ANKRD24: variants seen among roughly 807,000 people sequenced by gnomAD.
ANKRD24 encodes the protein ankyrin repeat domain-containing protein 24.
Under a neutral mutation model 127.8 loss-of-function variants are expected in ANKRD24, and 109 were observed. The ratio of observed to expected loss-of-function variants is 0.85; its 90% confidence interval spans 0.73 to 1.00. ANKRD24 has a LOEUF of 1.00. Ranked by LOEUF, ANKRD24 falls within the 50% of genes least tolerant of loss-of-function variation. The pLI, the probability that ANKRD24 is intolerant of heterozygous loss-of-function variation, is 0.00. For synonymous variants in ANKRD24, 743 were observed against 671.1 expected (o/e 1.11, Z -1.66); for missense variants, 1,648 against 1,570.2 (o/e 1.05, Z -0.84).
intron 2 of ANKRD24, among the ~76,000 whole-genome samples, chr19:4,186,923 G>A (rs777762018): frequency 3.4e-4 from 51 of 152,164 alleles, no homozygotes; most frequent in Non-Finnish European, 5.9e-4. Flanking sequence ...CCTTGCCCTC[G>A]TGGAGCCGAC....
rs1447419673 is a variant in ANKRD24 at position 4,216,055 on chromosome 19, GCCC to G, written c.1270+8_1270+10del. On this transcript the variant is annotated splice_donor_region_variant and intron_variant, in intron 16 of 21. Transcript: ENST00000318934. ...GTGAGCTGCCTGACCTTCCAGGTGAGCCCCCACCTCCCCACGCACTCCCAGCCG... is the reference window on the plus strand; with the variant it reads ...GTGAGCTGCCTGACCTTCCAGGTGAGCCACCTCCCCACGCACTCCCAGCCG... 2.5e-6 allele frequency: 4 copies of G among 1,591,274 alleles called. No individual in the cohort carries two copies. The highest frequency in any genetic ancestry group is 3.4e-6 in the Non-Finnish European group (4 of 1,169,718).
At chr19:4,188,202 C>A (rs113308500) in intron 2 of ANKRD24, among the ~76,000 whole-genome samples, 1 of 151,676 alleles carries the variant, frequency 6.6e-6, no homozygotes, top group African/African-American at 2.4e-5. Flanking sequence ...CTCAGCCTCC[C>A]GAGTAGCTGG....
At chr19:4,209,833 GAGAC>G (rs1365914994) in intron 11 of ANKRD24, among the ~76,000 whole-genome samples, 2 of 152,218 alleles carry the variant, frequency 1.3e-5, no homozygotes, top group Non-Finnish European at 2.9e-5. Context: ...AAAGAACTGA[GAGAC>G]AGAGAGGAGC....
rs367836274 is a variant in ANKRD24, at chr19:4,216,361, G to C, written c.1348G>C (p.Val450Leu). 1 of 1,573,758 alleles carries C rather than the reference G, an allele frequency of 6.4e-7. No homozygotes were observed. The highest frequency in any genetic ancestry group is 1.4e-5 in the African/African-American group (1 of 74,042). The change falls in exon 17 of 22, where the codon GTG becomes CTG. Residue 450 changes from valine to leucine, a missense_variant. Physicochemically the swap from Val to Leu is conservative, Grantham distance 32. Coordinates refer to ENST00000318934, the MANE Select transcript of ANKRD24 (RefSeq NM_001393985.1). ...HLASLQEQVA[V>L]LTRQNQELME... ...GGCCTCGCTGCAGGAACAGGTGGCT[G>C]TGCTCACCAGACAGAACCAGGAACT...
Position 4,186,374 on chromosome 19 carries a change from C to T in ANKRD24, c.-36-16C>T. The stretch of plus-strand genomic sequence containing the variant: ...ACTGGTGTCCCTCACCTTACCCCCA[C>T]CCTTGCCCTCCTCAGGTGGCCTGTG... On this transcript the variant is annotated splice_polypyrimidine_tract_variant and intron_variant, in intron 1 of 21. Coordinates refer to ENST00000318934, the MANE Select transcript of ANKRD24 (RefSeq NM_001393985.1). 3.8e-6 allele frequency: 6 copies of T among 1,561,514 alleles called. No homozygotes were observed. The highest frequency in any genetic ancestry group is 5.2e-6 in the Non-Finnish European group (6 of 1,153,056).
chr19:4,196,093 C>A (rs752946246), intron 2 of ANKRD24, among the ~76,000 whole-genome samples: 2 of 152,142 alleles, frequency 1.3e-5, no homozygotes, highest in Non-Finnish European at 2.9e-5. Flanking sequence ...CGGCACCCTG[C>A]AGTGCCCAGG....
chr19:4,218,869 G>C (rs1599467391), intron 18 of ANKRD24, among the ~76,000 whole-genome samples: 1 of 151,220 alleles, frequency 6.6e-6, no homozygotes, highest in East Asian at 2.0e-4. Flanking sequence ...CTGGGCTCAA[G>C]TAATCCTCCC....
chr19:4,202,822 G>T, intron 6 of ANKRD24, 47 bp from the exon 7 acceptor site: 4 of 1,551,648 alleles, frequency 2.6e-6, no homozygotes, highest in East Asian at 2.4e-5. Flanking sequence ...GAGAAATCAG[G>T]CAGCAAGAAG....
chr19:4,188,732 G>C (rs1254932343), intron 2 of ANKRD24, among the ~76,000 whole-genome samples: 1 of 151,200 alleles, frequency 6.6e-6, no homozygotes, highest in East Asian at 2.0e-4. Flanking sequence ...CTCTGTCCCT[G>C]GTGTCCTGGG....
Position 4,210,084 on chromosome 19 carries a change from G to C in ANKRD24, c.897G>C (p.Gln299His). 6.2e-7 allele frequency: 1 copy of C among 1,612,324 alleles called. No homozygotes were observed. Among genetic ancestry groups the C allele is most frequent in the Non-Finnish European group, 8.5e-7 (1 of 1,179,254 alleles). Residue 299 changes from glutamine to histidine, a missense_variant, in exon 12 of 22, where the codon CAG becomes CAC. By Grantham distance (24) the Gln-to-His change is conservative (BLOSUM62 0). Coordinates refer to ENST00000318934, the MANE Select transcript of ANKRD24 (RefSeq NM_001393985.1). ...ACTCTATGTCCAGCCATGGAAAGCA[G>C]GGGGCCCCCAAGAAGCGGAAGGCGC... is the stretch of plus-strand genomic sequence containing the variant. ...SQNSMSSHGKQGAPKKRKAPP... is the reference protein window; with the variant it reads ...SQNSMSSHGKHGAPKKRKAPP...
chr19:4,199,609 G>A lies in ANKRD24; in HGVS notation c.37-74G>A. The A allele has an allele frequency of 1.4e-6, 2 of 1,464,832 alleles. No individual in the cohort carries two copies. Among genetic ancestry groups the A allele is most frequent in the Non-Finnish European group, 1.8e-6 (2 of 1,113,988 alleles). 90.7% of individuals were successfully genotyped at this position (1,464,832 alleles called of 1,614,324 possible). On this transcript the variant is annotated intron_variant, in intron 2 of 21. Transcript: ENST00000318934. This position sits in a 1 kb window ranked among gnomAD's most constrained non-coding sequence, Gnocchi z 5.2. ...GACAACTGGGGTGATGGGCCTGGGGGCAGATGCTGGGGGTCGCAGGCTTGG... is the reference window on the plus strand; with the variant it reads ...GACAACTGGGGTGATGGGCCTGGGGACAGATGCTGGGGGTCGCAGGCTTGG...
chr19:4,192,338 G>A (rs1968430230), intron 2 of ANKRD24, among the ~76,000 whole-genome samples: 1 of 150,496 alleles, frequency 6.6e-6, no homozygotes, highest in South Asian at 2.1e-4. Context: ...TTCTCTTTCT[G>A]TCTTTTTTCT....
intron 13 of ANKRD24, among the ~76,000 whole-genome samples, chr19:4,211,465 C>A (rs1271758409): frequency 6.6e-6 from 1 of 151,846 alleles, no homozygotes; most frequent in African/African-American, 2.4e-5. Context: ...ATAGTGAAAC[C>A]CTGTCTCTAC....
At position 4,216,917 on chromosome 19, in the gene ANKRD24, C is replaced by T. The variant is rs1456684085; in HGVS notation, c.1757C>T (p.Ala586Val). The change falls in exon 18 of 22, where the codon GCC becomes GTC. Residue 586 changes from alanine to valine, a missense_variant. Ala to Val is a moderately conservative substitution (Grantham distance 64). Transcript: ENST00000318934. ...GAAGCTGAGGCCACGGGAGCCGAGG[C>T]CACGGGAGCTGAGGCCACAGGAGCC... Reference protein sequence around the residue: ...TMEAEATGAEATGAEATGAKV... With the variant: ...TMEAEATGAEVTGAEATGAKV... 5.6e-6 allele frequency: 9 copies of T among 1,610,006 alleles called. No homozygotes were observed. The highest frequency in any genetic ancestry group is 4.5e-5 in the East Asian group (2 of 44,822).
chr19:4,215,344 G>A (rs1229149708), intron 15 of ANKRD24, among the ~76,000 whole-genome samples: 1 of 152,110 alleles, frequency 6.6e-6, no homozygotes, highest in East Asian at 1.9e-4. Flanking sequence ...AATTAGCCAG[G>A]CGTGGTGGTA....
At chr19:4,221,703 C>G (rs1449842919) in intron 19 of ANKRD24, among the ~76,000 whole-genome samples, 1 of 152,162 alleles carries the variant, frequency 6.6e-6, no homozygotes, top group Non-Finnish European at 1.5e-5. Context: ...GACCTTAGAC[C>G]AGACACTTCA....
chr19:4,216,501 C>G, intron 17 of ANKRD24, 49 bp from the exon 18 acceptor site: 1 of 1,563,950 alleles, frequency 6.4e-7, no homozygotes, highest in Non-Finnish European at 8.7e-7. Flanking sequence ...TGTGTCCCCA[C>G]GGTCACATCA....
chr19:4,217,914 G>C lies in ANKRD24; in HGVS notation c.2754G>C (p.Glu918Asp). The change falls in exon 18 of 22, where the codon GAG becomes GAC. Residue 918 changes from glutamate (E) to aspartate (D), a missense_variant. Physicochemically the swap from Glu to Asp is conservative, Grantham distance 45. Transcript: ENST00000318934. The stretch of plus-strand genomic sequence containing the variant: ...GCCAGTCCGTGGTGCCGGCCTCTGA[G>C]CACCGCCGGCTGCAGGAGGAGGCCC... ...ALRQSVVPAS[E>D]HRRLQEEALE... 6.7e-7 allele frequency: 1 copy of C among 1,489,028 alleles called. No individual in the cohort carries two copies. The highest frequency in any genetic ancestry group is 8.9e-7 in the Non-Finnish European group (1 of 1,126,956). The allele number at this position is 1,489,028 out of a possible 1,614,324, so 92.2% of individuals were successfully genotyped here. A position where few individuals can be genotyped will look rare whatever the true frequency, so the allele number is the denominator to read the frequency against.
At chr19:4,221,341 TAC>T (rs1412773663) in intron 19 of ANKRD24, among the ~76,000 whole-genome samples, 13 of 152,064 alleles carry the variant, frequency 8.5e-5, no homozygotes, top group Admixed American at 2.0e-4. Flanking sequence ...GTGCTGGGAT[TAC>T]AGTCATGAGC....
Sources: gnomAD v4.1 joint callset for allele counts (sites outside exome capture counted in the v4.1 genomes callset) on GRCh38, gnomAD v4.1.1 for gene constraint, Gnocchi (gnomAD v3.1) non-coding constraint, MANE v1.5 for transcripts, NCBI Gene and HGNC (gene_info 2026-07-23, HGNC 2026-07-21) for gene names.